CENPT: variants seen among roughly 807,000 people sequenced by gnomAD.
CENPT encodes interphase centromere complex protein 22.
In CENPT, 42 loss-of-function variants were observed where a neutral mutation model predicts 59.7. The observed-to-expected ratio is 0.70, with a 90% CI of 0.55 to 0.91. The LOEUF is 0.91. CENPT is among the 40% of genes least tolerant of loss of function. CENPT has a pLI of 0.00. For missense variants in CENPT, 716 were observed against 713.4 expected (o/e 1.00, Z -0.04); for synonymous variants, 295 against 289.6 (o/e 1.02, Z -0.19).
intron 13 of CENPT, 124 bp from the exon 14 acceptor site, chr16:67,828,967 GC>G: frequency 1.0e-6 from 1 of 991,508 alleles, no homozygotes; most frequent in Non-Finnish European, 1.4e-6. Flanking sequence ...AGGACCAGCA[GC>G]CCTGACCACC....
At chr16:67,830,202 A>G (rs1423616657) in intron 11 of CENPT, 114 bp from the exon 12 acceptor site, 1 of 1,233,918 alleles carries the variant, frequency 8.1e-7, no homozygotes, top group Admixed American at 2.0e-5. Context: ...GGAAAGACAA[A>G]GCCAGAGGCA....
chr16:67,830,362 C>T (rs2057674145), intron 11 of CENPT, 28 bp downstream of exon 11: 2 of 1,584,342 alleles, frequency 1.3e-6, no homozygotes, highest in Non-Finnish European at 1.7e-6. Context: ...CTAAATTTGG[C>T]TCCAGGCCAC....
Position 67,842,455 on chromosome 16 carries a change from C to G in CENPT, c.-492+4946G>C. On this transcript the variant is annotated intron_variant, in intron 1 of 15. Coordinates refer to ENST00000562787, the MANE Select transcript of CENPT (RefSeq NM_025082.4). The surrounding 1 kb of genome is among the most constrained non-coding windows in gnomAD (Gnocchi z 4.9). ...AGTGGTGGGATACCACCCAAGGCCT[C>G]GCGCGGCGCCGCCCGTCGAGGGGCG... 1 of 993,412 alleles carries G rather than the reference C, an allele frequency of 1.0e-6. No homozygotes were observed. The highest frequency in any genetic ancestry group is 1.3e-6 in the Non-Finnish European group (1 of 773,092). The allele number at this position is 993,412 out of a possible 1,614,324, so 61.5% of individuals were successfully genotyped here. A position where few individuals can be genotyped will look rare whatever the true frequency, so the allele number is the denominator to read the frequency against.
At chr16:67,832,584 A>G (rs772419631) in intron 4 of CENPT, 39 bp from the exon 5 acceptor site, 1 of 1,560,358 alleles carries the variant, frequency 6.4e-7, no homozygotes, top group Non-Finnish European at 8.8e-7. Flanking sequence ...AATTACGGTG[A>G]GGAGGGATAG....
rs2057617542 is a variant in CENPT at position 67,828,208 on chromosome 16, G to C, written c.*59C>G. ...TGGGGGGGTGGGGAGGAGACCTGGAGAAATATGTGGGGGCAAGAGTCCCCA... is the reference window on the plus strand; with the variant it reads ...TGGGGGGGTGGGGAGGAGACCTGGACAAATATGTGGGGGCAAGAGTCCCCA... On this transcript the variant is annotated 3_prime_UTR_variant, in exon 16 of 16. Transcript: ENST00000562787. 1 of 1,529,460 alleles carries C rather than the reference G, an allele frequency of 6.5e-7. No individual in the cohort carries two copies. The highest frequency in any genetic ancestry group is 2.1e-5 in the Admixed American group (1 of 47,386). The allele number at this position is 1,529,460 out of a possible 1,614,324, so 94.7% of individuals were successfully genotyped here.
In CENPT at chr16:67,834,055, A is replaced by G; in HGVS notation, c.-196T>C. On this transcript the variant is annotated 5_prime_UTR_variant, in exon 4 of 16. Coordinates refer to ENST00000562787, the MANE Select transcript of CENPT (RefSeq NM_025082.4). ...TTGGAGGCAGCCTCGCTGCGGGTAAACCTCGGTTAATGTAATGCAAGCAGC... is the reference window on the plus strand; with the variant it reads ...TTGGAGGCAGCCTCGCTGCGGGTAAGCCTCGGTTAATGTAATGCAAGCAGC... 1 of 483,806 alleles carries G rather than the reference A, an allele frequency of 2.1e-6. No homozygotes were observed. The highest frequency in any genetic ancestry group is 4.3e-5 in the Admixed American group (1 of 23,342). The allele number at this position is 483,806 out of a possible 1,614,324, so 30.0% of individuals were successfully genotyped here. A position where few individuals can be genotyped will look rare whatever the true frequency, so the allele number is the denominator to read the frequency against.
At position 67,843,032 on chromosome 16, in the gene CENPT, C is replaced by T; in HGVS notation, c.-492+4369G>A. 3.7e-6 allele frequency: 6 copies of T among 1,612,544 alleles called. No homozygotes were observed. The highest frequency in any genetic ancestry group is 4.2e-6 in the Non-Finnish European group (5 of 1,180,032). The stretch of plus-strand genomic sequence containing the variant: ...TGCTTCCGCGGCCGTGCTTCTCACC[C>T]TTCAGGCCACTGTAGACAGCAGTCA... On this transcript the variant is annotated intron_variant, in intron 1 of 15. Coordinates refer to ENST00000562787, the MANE Select transcript of CENPT (RefSeq NM_025082.4). This position sits in a 1 kb window ranked among gnomAD's most constrained non-coding sequence, Gnocchi z 5.7.
rs773943542 is a variant in CENPT, at chr16:67,829,821, G to C, written c.1130C>G (p.Ala377Gly). The C allele has an allele frequency of 6.2e-7, 1 of 1,614,218 alleles. No homozygotes were observed. Residue 377 changes from alanine to glycine, a missense_variant, in exon 12 of 16, where the codon GCT becomes GGT. Physicochemically the swap from Ala to Gly is moderately conservative, Grantham distance 60. Transcript: ENST00000562787. ...AGATGCTCCTGGCCCGTCAGCCTCA[G>C]CAGTCCCCTGGGATCCCTCTGCTTC... ...VTEAEGSQGT[A>G]EADGPGASSG...
intron 1 of CENPT, chr16:67,841,983 A>C (rs1376572601): frequency 1.3e-5 from 2 of 152,262 alleles, no homozygotes; most frequent in African/African-American, 4.8e-5. Flanking sequence ...GAAGGCGCCT[A>C]GTTCAGCGCG....
At position 67,843,186 on chromosome 16, in the gene CENPT, T is replaced by TA. The variant is rs2057777278; in HGVS notation, c.-492+4214dup. 6.2e-7 allele frequency: 1 copy of TA among 1,611,186 alleles called. No homozygotes were observed. Among genetic ancestry groups the TA allele is most frequent in the Non-Finnish European group, 8.5e-7 (1 of 1,179,684 alleles). On this transcript the variant is annotated intron_variant, in intron 1 of 15. Coordinates refer to ENST00000562787, the MANE Select transcript of CENPT (RefSeq NM_025082.4). The surrounding 1 kb of genome is among the most constrained non-coding windows in gnomAD (Gnocchi z 5.7). Reference sequence around the variant, plus strand: ...GCCGCTGCGGCCGCCGCGTCGGAGTTACAGGCTGCTACCGCAGGGCTGGAG... The same window carrying TA: ...GCCGCTGCGGCCGCCGCGTCGGAGTTAACAGGCTGCTACCGCAGGGCTGGAG...
At position 67,842,272 on chromosome 16, in the gene CENPT, T is replaced by G. The variant is rs1362929540; in HGVS notation, c.-492+5129A>C. On this transcript the variant is annotated intron_variant, in intron 1 of 15. Coordinates refer to ENST00000562787, the MANE Select transcript of CENPT (RefSeq NM_025082.4). The surrounding 1 kb of genome is among the most constrained non-coding windows in gnomAD (Gnocchi z 4.9). ...AGTGAGCCGCTTCTGGCGCGGGGCA[T>G]TGTGGGGGGCGTAGTCTCTTTCTCA... The G allele has an allele frequency of 4.5e-5, 7 of 156,908 alleles. No homozygotes were observed. Among genetic ancestry groups the G allele is most frequent in the Non-Finnish European group, 5.6e-5 (4 of 71,260 alleles). 9.7% of individuals were successfully genotyped at this position (156,908 alleles called of 1,614,324 possible).
chr16:67,829,549 C>G, intron 12 of CENPT, 33 bp from the exon 13 acceptor site: 1 of 1,548,216 alleles, frequency 6.5e-7, no homozygotes, highest in Non-Finnish European at 8.8e-7. Context: ...CACAGGGATT[C>G]CAGGCCTGAC....
At position 67,842,967 on chromosome 16, in the gene CENPT, C is replaced by T. The variant is rs754716359; in HGVS notation, c.-492+4434G>A. On this transcript the variant is annotated intron_variant, in intron 1 of 15. Transcript: ENST00000562787. The surrounding 1 kb of genome is among the most constrained non-coding windows in gnomAD (Gnocchi z 4.9). The stretch of plus-strand genomic sequence containing the variant: ...CAGCAGCAGTCCTCACCCTCTGCCT[C>T]CACTGCCCAGACTGCCCAGCTGCAG... The T allele has an allele frequency of 1.2e-5, 19 of 1,607,832 alleles. No individual in the cohort carries two copies. In the Admixed American group the frequency reaches 1.5e-4, roughly 13 times the overall value.
chr16:67,838,841 C>T (rs1182447504), intron 1 of CENPT, among the ~76,000 whole-genome samples: 3 of 149,874 alleles, frequency 2.0e-5, no homozygotes, highest in African/African-American at 7.4e-5. Flanking sequence ...GCAGGAAAAT[C>T]GTGTGAACTC....
At chr16:67,830,161 A>G (rs1243769458) in intron 11 of CENPT, 73 bp from the exon 12 acceptor site, 5 of 1,459,760 alleles carry the variant, frequency 3.4e-6, no homozygotes, top group Non-Finnish European at 4.7e-6. Flanking sequence ...AAGGGTAAAG[A>G]TGGACCAGCA....
intron 13 of CENPT, 96 bp from the exon 14 acceptor site, chr16:67,828,939 C>T (rs555157644): frequency 3.6e-5 from 50 of 1,382,038 alleles, no homozygotes; most frequent in Middle Eastern, 2.0e-4. Flanking sequence ...CTGGGGACCA[C>T]GTGGCCCTTG....
chr16:67,845,245 C>T (rs1225848506), intron 1 of CENPT, among the ~76,000 whole-genome samples: 1 of 152,082 alleles, frequency 6.6e-6, no homozygotes, highest in African/African-American at 2.4e-5. Context: ...ACTTTCAGAC[C>T]CCATAAAATA....
chr16:67,845,924 C>A (rs1113232), intron 1 of CENPT, among the ~76,000 whole-genome samples: 4,534 of 152,328 alleles, frequency 0.03, 101 homozygotes, highest in Middle Eastern at 0.16. Flanking sequence ...GTGCAAAACT[C>A]TTGTGGAAGA....
Position 67,833,832 on chromosome 16 carries a change from A to T in CENPT, c.28T>A (p.Ser10Thr). 1 of 1,572,386 alleles carries T rather than the reference A, an allele frequency of 6.4e-7. No individual in the cohort carries two copies. Among genetic ancestry groups the T allele is most frequent in the Non-Finnish European group, 8.6e-7 (1 of 1,161,794 alleles). ...CGTCGCAGCAGCGTGCGCGGCGTGG[A>T]GTCGCTGTCAGGGTTGTGGTCAGCC... The part of the protein sequence containing the change: MADHNPDSD[S>T]TPRTLLRRVL... Residue 10 changes from serine (S) to threonine (T), a missense_variant, in exon 4 of 16, where the codon TCC becomes ACC. Coordinates refer to ENST00000562787, the MANE Select transcript of CENPT (RefSeq NM_025082.4).
Sources: gnomAD v4.1 joint callset for allele counts (sites outside exome capture counted in the v4.1 genomes callset) on GRCh38, gnomAD v4.1.1 for gene constraint, Gnocchi (gnomAD v3.1) non-coding constraint, MANE v1.5 for transcripts, NCBI Gene and HGNC (gene_info 2026-07-23, HGNC 2026-07-21) for gene names.